KPNA4: variants seen among roughly 807,000 people sequenced by gnomAD.
The protein encoded by KPNA4 is karyopherin subunit alpha 4, also known as importin subunit alpha-3.
A neutral mutation model predicts 71.3 loss-of-function variants in KPNA4; 13 were observed. The ratio of observed to expected loss-of-function variants is 0.18; its 90% confidence interval spans 0.12 to 0.29. The LOEUF is 0.29. Ranked by LOEUF, KPNA4 falls within the 10% of genes least tolerant of loss-of-function variation. The pLI, the probability that KPNA4 is intolerant of heterozygous loss-of-function variation, is 1.00. For synonymous variants in KPNA4, 189 were observed against 195.2 expected, an observed-to-expected ratio of 0.97 and a Z score of 0.26; for missense variants, 334 against 603.2, an observed-to-expected ratio of 0.55 and a Z score of 4.67.
At chr3:160,542,288 C>T (rs765220004) in intron 1 of KPNA4, among the ~76,000 whole-genome samples, 13 of 152,176 alleles carry the variant, frequency 8.5e-5, no homozygotes, top group Non-Finnish European at 1.5e-4. Flanking sequence ...AACAGTTGTT[C>T]AACCCGATTA....
Position 160,502,022 on chromosome 3 carries a change from GTATA to G in KPNA4, c.*78_*81del, listed in dbSNP as rs113978211. On this transcript the variant is annotated 3_prime_UTR_variant, in exon 17 of 17. Coordinates refer to ENST00000334256, the MANE Select transcript of KPNA4 (RefSeq NM_002268.5). ...ATGGATCAAACCTTTTTATATATAT[GTATA>G]TATATATATATATACACACACACAT... 818 of 328,058 alleles carry G rather than the reference GTATA, an allele frequency of 2.5e-3. No homozygotes were observed. Among genetic ancestry groups the G allele is most frequent in the Middle Eastern group, 5.6e-3 (5 of 890 alleles). The allele number at this position is 328,058 out of a possible 1,614,324, so 20.3% of individuals were successfully genotyped here.
intron 1 of KPNA4, among the ~76,000 whole-genome samples, chr3:160,560,362 T>C (rs1249772842): frequency 6.6e-6 from 1 of 152,088 alleles, no homozygotes; most frequent in Non-Finnish European, 1.5e-5. Context: ...GCATATACAG[T>C]AGGTGCTCAG....
intron 7 of KPNA4, among the ~76,000 whole-genome samples, chr3:160,529,919 G>T (rs1023427868): frequency 6.7e-6 from 1 of 150,202 alleles, no homozygotes; most frequent in East Asian, 2.0e-4. Flanking sequence ...CATGAGGTCA[G>T]GAGATCGAGA....
chr3:160,524,264 G>A (rs1721419138), intron 10 of KPNA4, among the ~76,000 whole-genome samples: 1 of 152,180 alleles, frequency 6.6e-6, no homozygotes, highest in Admixed American at 6.5e-5. Context: ...TCTAAATAAA[G>A]TCAACCAAGA....
intron 1 of KPNA4, among the ~76,000 whole-genome samples, chr3:160,537,373 T>TA (rs1346659496): frequency 6.6e-6 from 1 of 152,028 alleles, no homozygotes; most frequent in Admixed American, 6.6e-5. Context: ...TTATAGAACT[T>TA]AGAGATATTC....
intron 5 of KPNA4, among the ~76,000 whole-genome samples, chr3:160,534,500 A>C (rs904901835): frequency 1.3e-5 from 2 of 151,630 alleles, no homozygotes; most frequent in African/African-American, 4.8e-5. Context: ...CAGGTGGATC[A>C]CAAGGTCAGG....
chr3:160,547,802 G>C (rs1721953857), intron 1 of KPNA4, among the ~76,000 whole-genome samples: 1 of 152,000 alleles, frequency 6.6e-6, no homozygotes, highest in Non-Finnish European at 1.5e-5. Context: ...TCATATAGTT[G>C]GAAGTATAGA....
At chr3:160,563,269 T>A (rs1391451033) in intron 1 of KPNA4, among the ~76,000 whole-genome samples, 5 of 152,216 alleles carry the variant, frequency 3.3e-5, no homozygotes, top group African/African-American at 9.6e-5. Flanking sequence ...TTACACTATG[T>A]GAAAGAAGCC....
chr3:160,502,820 G>A (rs1393344167), intron 16 of KPNA4, among the ~76,000 whole-genome samples: 1 of 152,100 alleles, frequency 6.6e-6, no homozygotes, highest in Admixed American at 6.6e-5. Context: ...CTTAAACCTG[G>A]GCAAGTACAG....
rs1189776111 is a variant in KPNA4, at chr3:160,497,645, C to T, written c.*4459G>A. 1.3e-5 allele frequency: 2 copies of T among 151,992 alleles called. No individual in the cohort carries two copies. Among genetic ancestry groups the T allele is most frequent in the Non-Finnish European group, 2.9e-5 (2 of 68,022 alleles). The allele number at this position is 151,992 out of a possible 1,614,324, so 9.4% of individuals were successfully genotyped here. ...TCAGATATCTGGGCAAAATTTTTTC[C>T]TCCCATAATATTAAATTATTGGCTG... is the stretch of plus-strand genomic sequence containing the variant. On this transcript the variant is annotated 3_prime_UTR_variant, in exon 17 of 17. Transcript: ENST00000334256.
chr3:160,507,610 T>G (rs1721013411), intron 15 of KPNA4, among the ~76,000 whole-genome samples: 1 of 152,112 alleles, frequency 6.6e-6, no homozygotes, highest in Non-Finnish European at 1.5e-5. Flanking sequence ...CTGAACTACT[T>G]ATAATTTGCT....
chr3:160,506,569 T>A (rs542474400), intron 15 of KPNA4, among the ~76,000 whole-genome samples: 4 of 152,160 alleles, frequency 2.6e-5, no homozygotes, highest in Non-Finnish European at 5.9e-5. Flanking sequence ...ATCCCCTAGA[T>A]GAATCACCAA....
intron 7 of KPNA4, among the ~76,000 whole-genome samples, chr3:160,529,125 G>T (rs1021270242): frequency 6.6e-6 from 1 of 151,942 alleles, no homozygotes; most frequent in Non-Finnish European, 1.5e-5. Flanking sequence ...GTAGAGATGG[G>T]GTTTTACCAT....
At chr3:160,548,216 G>A (rs531647688) in intron 1 of KPNA4, among the ~76,000 whole-genome samples, 1 of 151,312 alleles carries the variant, frequency 6.6e-6, no homozygotes, top group African/African-American at 2.4e-5. Context: ...GTTTTTTTTT[G>A]TTGTTGTTGG....
At chr3:160,530,743 T>G in intron 7 of KPNA4, 112 bp downstream of exon 7, 1 of 695,558 alleles carries the variant, frequency 1.4e-6, no homozygotes, top group Non-Finnish European at 2.5e-6. Flanking sequence ...AATAACTACG[T>G]AGTAGCTATT....
intron 11 of KPNA4, among the ~76,000 whole-genome samples, chr3:160,517,164 C>T (rs549706669): frequency 6.6e-6 from 1 of 152,112 alleles, no homozygotes; most frequent in African/African-American, 2.4e-5. Flanking sequence ...GACACTATGC[C>T]TGTCTCTAAG....
chr3:160,560,178 T>C lies in KPNA4; in HGVS notation c.69+5036A>G, dbSNP rs189182354. Among the ~76,000 whole-genome samples the C allele has an allele frequency of 9.9e-4, 151 of 152,222 alleles. 1 individual carries two copies. Among genetic ancestry groups the C allele is most frequent in the East Asian group, 1.7e-3 (9 of 5,192 alleles). ...GGCATTAAGGCTGAAAGAAGTCAAA[T>C]GGAGGAAATATGGTAAAGTACAAAA... On this transcript the variant is annotated intron_variant, in intron 1 of 16. Coordinates refer to ENST00000334256, the MANE Select transcript of KPNA4 (RefSeq NM_002268.5).
chr3:160,516,134 G>A (rs958067723), intron 11 of KPNA4, among the ~76,000 whole-genome samples: 3 of 151,956 alleles, frequency 2.0e-5, no homozygotes, highest in Admixed American at 6.6e-5. Context: ...TTACAGGCGC[G>A]TGCCACCATA....
chr3:160,504,019 G>A (rs1720935133), intron 16 of KPNA4, among the ~76,000 whole-genome samples: 1 of 152,138 alleles, frequency 6.6e-6, no homozygotes, highest in Non-Finnish European at 1.5e-5. Context: ...GGGAGGGGGA[G>A]GTTGCAGTGA....
Sources: allele counts gnomAD v4.1 joint callset (sites outside exome capture counted in the v4.1 genomes callset), GRCh38; gene constraint gnomAD v4.1.1; transcripts MANE v1.5; gene names NCBI Gene and HGNC (gene_info 2026-07-23, HGNC 2026-07-21).